The following ASAP2 variants were observed in gnomAD, a reference collection of about 807,000 sequenced individuals.
ASAP2 encodes the protein ArfGAP with SH3 domain, ankyrin repeat and PH domain 2, also known as arf-GAP with SH3 domain, ANK repeat and PH domain-containing protein 2.
ASAP2 carries 45 observed loss-of-function variants against 131.4 expected under a neutral mutation model. The ratio of observed to expected loss-of-function variants is 0.34; its 90% CI spans 0.27 to 0.44. ASAP2 has a LOEUF of 0.44. Among genes scored for constraint, ASAP2 ranks in the 20% least tolerant of loss-of-function variants. The pLI is 1.00. For synonymous variants in ASAP2, 510 were observed against 503.0 expected, an observed-to-expected ratio of 1.01 and a Z score of -0.19; for missense variants, 1,011 against 1,297.0, an observed-to-expected ratio of 0.78 and a Z score of 3.39.
chr2:9,355,814 G>T (rs542248635), intron 12 of ASAP2, among the ~76,000 whole-genome samples: 2 of 152,228 alleles, frequency 1.3e-5, no homozygotes, highest in East Asian at 3.9e-4. Flanking sequence ...TTTAGAAGCG[G>T]CGTCTTTTAA....
chr2:9,397,742 ATATATATATTTTTTTTTTTTTT>A (rs1676264623), intron 24 of ASAP2, among the ~76,000 whole-genome samples: 1 of 88,858 alleles, frequency 1.1e-5, no homozygotes, highest in African/African-American at 8.7e-5. Flanking sequence ...ATATATATAT[ATATATATATTTTTTTTTTTTTT>A]TTTTTTTTTT....
chr2:9,334,977 C>A, intron 8 of ASAP2, 116 bp from the exon 9 acceptor site: 1 of 1,350,600 alleles, frequency 7.4e-7, no homozygotes, highest in Non-Finnish European at 1.0e-6. Context: ...GAAGGTTTGA[C>A]CAGCGAGGGA....
intron 3 of ASAP2, among the ~76,000 whole-genome samples, chr2:9,316,650 CA>C (rs1669689214): frequency 6.6e-6 from 1 of 152,120 alleles, no homozygotes; most frequent in Non-Finnish European, 1.5e-5. Context: ...TTTTCAGGCT[CA>C]GGGCTCTGAG....
chr2:9,342,676 A>C (rs996904179), intron 9 of ASAP2, among the ~76,000 whole-genome samples: 29 of 152,342 alleles, frequency 1.9e-4, no homozygotes, highest in African/African-American at 6.3e-4. Flanking sequence ...TAAAATTAAA[A>C]AGTTTTGTGC....
intron 1 of ASAP2, among the ~76,000 whole-genome samples, chr2:9,240,553 A>C (rs2666208): frequency 0.55 from 84,265 of 151,924 alleles, 24,625 homozygotes; most frequent in African/African-American, 0.75. Flanking sequence ...GCCCCTCCCA[A>C]AAGTTAATGA....
At chr2:9,379,101 T>C in intron 19 of ASAP2, 42 bp downstream of exon 19, 1 of 1,376,864 alleles carries the variant, frequency 7.3e-7, no homozygotes. Flanking sequence ...AGCTGCACCC[T>C]GGCCTCTGCC....
chr2:9,317,465 C>G (rs1281830160), intron 3 of ASAP2, among the ~76,000 whole-genome samples: 2 of 148,472 alleles, frequency 1.3e-5, no homozygotes, highest in African/African-American at 5.0e-5. Context: ...TGTGCATTCA[C>G]CTTATACTCA....
At chr2:9,358,707 G>A in intron 14 of ASAP2, 49 bp from the exon 15 acceptor site, 1 of 1,587,340 alleles carries the variant, frequency 6.3e-7, no homozygotes, top group Non-Finnish European at 8.6e-7. Flanking sequence ...TGTGACTCCT[G>A]ACCCTCTTTT....
intron 6 of ASAP2, among the ~76,000 whole-genome samples, chr2:9,324,243 T>A (rs1670343958): frequency 6.6e-6 from 1 of 152,178 alleles, no homozygotes; most frequent in Non-Finnish European, 1.5e-5. Flanking sequence ...TACATATATC[T>A]TAGAAATGTA....
intron 3 of ASAP2, among the ~76,000 whole-genome samples, chr2:9,312,087 AG>A (rs1669339212): frequency 6.6e-6 from 1 of 152,240 alleles, no homozygotes; most frequent in South Asian, 2.1e-4. Context: ...AGTGATTTCC[AG>A]TAACTTTACC....
chr2:9,399,976 A>G lies in ASAP2; in HGVS notation c.2685-47A>G, dbSNP rs1676484917. 3 of 1,584,246 alleles carry G rather than the reference A, an allele frequency of 1.9e-6. No individual in the cohort carries two copies. The African/African-American group carries it at 4.0e-5, about 21-fold the overall frequency. ...TGATAAAAGGGGATGAGAAAGGGGC[A>G]GGTGCCCTCCGGTAGCAGTAAATCT... is the stretch of plus-strand genomic sequence containing the variant. On this transcript the variant is annotated intron_variant, in intron 24 of 27. Coordinates refer to ENST00000281419, the MANE Select transcript of ASAP2 (RefSeq NM_003887.3).
chr2:9,349,848 T>C (rs1488321652), intron 11 of ASAP2, among the ~76,000 whole-genome samples: 1 of 152,230 alleles, frequency 6.6e-6, no homozygotes, highest in Non-Finnish European at 1.5e-5. Flanking sequence ...CAGGTGTAGA[T>C]GCATATGTGT....
chr2:9,375,198 G>A (rs531224863), intron 17 of ASAP2, among the ~76,000 whole-genome samples: 4 of 151,994 alleles, frequency 2.6e-5, no homozygotes, highest in Admixed American at 6.6e-5. Context: ...GAGAGGAATC[G>A]GTTGAGCCCA....
rs947526700 is a variant in ASAP2, at chr2:9,311,394, G to A, written c.346-7130G>A. Among the ~76,000 whole-genome samples the A allele has an allele frequency of 1.7e-4, 26 of 151,952 alleles. No homozygotes were observed. The highest frequency in any genetic ancestry group is 3.1e-4 in the Non-Finnish European group (21 of 67,988). The stretch of plus-strand genomic sequence containing the variant: ...GAAAAAAAAAGTTTGCCTGCTTGTT[G>A]GTCCAACGTTAATAGCAGTGATTAA... On this transcript the variant is annotated intron_variant, in intron 3 of 27. Coordinates refer to ENST00000281419, the MANE Select transcript of ASAP2 (RefSeq NM_003887.3). The surrounding 1 kb of genome is among the most constrained non-coding windows in gnomAD (Gnocchi z 5.2).
intron 1 of ASAP2, among the ~76,000 whole-genome samples, chr2:9,259,556 C>A (rs1420598029): frequency 1.3e-5 from 1 of 77,108 alleles, no homozygotes; most frequent in Non-Finnish European, 2.7e-5. Flanking sequence ...CAGTTTTCAG[C>A]CCAAAACCTT....
chr2:9,257,357 G>GGAAT (rs1313040737), intron 1 of ASAP2, among the ~76,000 whole-genome samples: 1 of 152,210 alleles, frequency 6.6e-6, no homozygotes, highest in East Asian at 1.9e-4. Flanking sequence ...TAAGCATTAT[G>GGAAT]GAATGACCAT....
intron 1 of ASAP2, among the ~76,000 whole-genome samples, chr2:9,227,247 A>G (rs1572199822): frequency 6.6e-6 from 1 of 151,994 alleles, no homozygotes; most frequent in South Asian, 2.1e-4. Flanking sequence ...TCAGCCCCCA[A>G]TCCTAAGGGC....
chr2:9,374,731 C>A, intron 16 of ASAP2, 24 bp from the exon 17 acceptor site: 1 of 1,566,882 alleles, frequency 6.4e-7, no homozygotes, highest in Non-Finnish European at 8.6e-7. Flanking sequence ...TCATGATTTG[C>A]AAGGCAATTA....
intron 2 of ASAP2, among the ~76,000 whole-genome samples, chr2:9,292,514 T>C (rs1307501907): frequency 1.3e-5 from 2 of 152,066 alleles, no homozygotes; most frequent in Admixed American, 6.6e-5. Context: ...TGAGATTCTA[T>C]CTCAAAACAA....
Sources: gnomAD v4.1 joint callset for allele counts (sites outside exome capture counted in the v4.1 genomes callset) on GRCh38, gnomAD v4.1.1 for gene constraint, Gnocchi (gnomAD v3.1) non-coding constraint, MANE v1.5 for transcripts, NCBI Gene and HGNC (gene_info 2026-07-23, HGNC 2026-07-21) for gene names.